Variants in CAPS2 observed in about 807,000 individuals in gnomAD.
CAPS2 encodes calcyphosine 2.
Under a neutral mutation model 86.5 loss-of-function variants are expected in CAPS2, and 98 were observed. The ratio of observed to expected loss-of-function variants is 1.13; its 90% confidence interval spans 0.96 to 1.34. The LOEUF (loss-of-function observed/expected upper bound fraction) is 1.34. Ranked by LOEUF, CAPS2 falls within the 40% of genes most tolerant of loss-of-function variation. The pLI, the probability that CAPS2 is intolerant of heterozygous loss-of-function variation, is 0.00. For missense variants in CAPS2, 729 were observed against 686.8 expected (o/e 1.06, Z -0.69); for synonymous variants, 210 against 225.1 (o/e 0.93, Z 0.60).
At chr12:75,282,175 T>C (rs2034072618) in intron 16 of CAPS2, 76 bp downstream of exon 16, 2 of 855,484 alleles carry the variant, frequency 2.3e-6, no homozygotes, top group South Asian at 1.4e-5. Flanking sequence ...AGTCTAAGGT[T>C]TAAATTAATA....
intron 1 of CAPS2, among the ~76,000 whole-genome samples, chr12:75,381,322 G>A (rs1224215856): frequency 2.6e-5 from 4 of 152,238 alleles, no homozygotes; most frequent in African/African-American, 9.6e-5. Flanking sequence ...ACCGTACTAA[G>A]TCCAATTAAA....
chr12:75,297,086 CTTCT>C lies in CAPS2; in HGVS notation c.1044+1597_1044+1600del, dbSNP rs146872393. Among the ~76,000 whole-genome samples, 1,354 of 150,708 alleles carry C rather than the reference CTTCT, an allele frequency of 9.0e-3. 17 individuals are homozygous for C. The highest frequency in any genetic ancestry group is 0.031 in the African/African-American group (1,261 of 40,972). ...TCTTTTTTTCTTTCTTTCTTCTTTC[CTTCT>C]TTCTTTCTTTCTTTCCTTTCTTTCT... On this transcript the variant is annotated intron_variant, in intron 11 of 16. Transcript: ENST00000393284.
chr12:75,363,338 TA>T, intron 1 of CAPS2: 1 of 397,328 alleles, frequency 2.5e-6, no homozygotes, highest in African/African-American at 2.1e-5. Flanking sequence ...TCATAAATTG[TA>T]ATACTTAAAC....
intron 13 of CAPS2, among the ~76,000 whole-genome samples, 184 bp from the exon 14 acceptor site, chr12:75,289,959 C>A (rs2035557658): frequency 6.6e-6 from 1 of 152,106 alleles, no homozygotes; most frequent in Non-Finnish European, 1.5e-5. Flanking sequence ...GAGGATTAAA[C>A]ATAAAATCAC....
chr12:75,312,024 A>G (rs1190479365), intron 7 of CAPS2, among the ~76,000 whole-genome samples: 4 of 152,196 alleles, frequency 2.6e-5, no homozygotes, highest in Non-Finnish European at 5.9e-5. Flanking sequence ...CCACACAACT[A>G]AACAGTTTTT....
rs55861692 is a variant in CAPS2, at chr12:75,277,326, T to A, written c.*1564A>T. The A allele has an allele frequency of 1.8e-3, 1,793 of 970,190 alleles. 33 individuals carry two copies. In the African/African-American group the frequency reaches 0.029, roughly 16 times the overall value. The allele number at this position is 970,190 out of a possible 1,614,324, so 60.1% of individuals were successfully genotyped here. ...TTAAGAACTAAATAAAAATTATCAA[T>A]GAAAAACACTATATGCATATTGAGC... On this transcript the variant is annotated 3_prime_UTR_variant, in exon 17 of 17. Transcript: ENST00000393284.
chr12:75,293,094 T>C (rs1455471593), intron 12 of CAPS2, among the ~76,000 whole-genome samples, 155 bp downstream of exon 12: 2 of 152,110 alleles, frequency 1.3e-5, no homozygotes, highest in Admixed American at 6.6e-5. Context: ...GAGTACAAGA[T>C]AGTACATAAA....
chr12:75,333,085 G>C (rs1300277497), upstream of CAPS2, among the ~76,000 whole-genome samples: 1 of 152,110 alleles, frequency 6.6e-6, no homozygotes, highest in Non-Finnish European at 1.5e-5. Context: ...AGTGTCTTTT[G>C]GGCCATACCT....
At chr12:75,296,297 C>CTT (rs956853752) in intron 11 of CAPS2, among the ~76,000 whole-genome samples, 2 of 144,626 alleles carry the variant, frequency 1.4e-5, no homozygotes, top group Non-Finnish European at 1.5e-5. Flanking sequence ...TGTGGGTACA[C>CTT]TTTTTTTTTT....
At chr12:75,321,362 T>C (rs535914645) in intron 5 of CAPS2, 38 bp downstream of exon 5, 2 of 1,340,362 alleles carry the variant, frequency 1.5e-6, no homozygotes, top group African/African-American at 1.5e-5. Context: ...CAGTTTTCTT[T>C]AAATGTCATT....
At chr12:75,366,853 G>C (rs2043999280) in intron 1 of CAPS2, 1 of 700,726 alleles carries the variant, frequency 1.4e-6, no homozygotes, top group Non-Finnish European at 2.6e-6. Context: ...TGCATTTCTT[G>C]AATGAGTCTT....
intron 12 of CAPS2, among the ~76,000 whole-genome samples, chr12:75,292,098 G>A (rs180734251): frequency 2.0e-5 from 3 of 152,076 alleles, no homozygotes; most frequent in Non-Finnish European, 2.9e-5. Context: ...ACAGAGTCTC[G>A]CTCTGTCACC....
At chr12:75,291,575 A>ATATATATATATAGCTTATTTTTAAAAG (rs1288416828) in intron 13 of CAPS2, among the ~76,000 whole-genome samples, 169 bp downstream of exon 13, 3 of 53,196 alleles carry the variant, frequency 5.6e-5, no homozygotes, top group African/African-American at 2.0e-4. Flanking sequence ...AAGTATATAT[A>ATATATATATATAGCTTATTTTTAAAAG]TATATATATA....
At chr12:75,362,746 AAC>A (rs1377228220) in intron 1 of CAPS2, among the ~76,000 whole-genome samples, 1 of 152,172 alleles carries the variant, frequency 6.6e-6, no homozygotes, top group Admixed American at 6.6e-5. Context: ...TAAAACATAA[AAC>A]ACATGTTTAT....
At chr12:75,360,306 C>A (rs1159632432) in intron 1 of CAPS2, 1 of 152,162 alleles carries the variant, frequency 6.6e-6, no homozygotes, top group African/African-American at 2.4e-5. Flanking sequence ...TAAATGATTT[C>A]AGCATTAACT....
At chr12:75,347,396 A>G (rs915189714) in intron 1 of CAPS2, among the ~76,000 whole-genome samples, 3 of 152,102 alleles carry the variant, frequency 2.0e-5, no homozygotes, top group African/African-American at 7.2e-5. Flanking sequence ...CTTTTGATTT[A>G]TAAGAATTAC....
chr12:75,304,990 T>C (rs1032937950), intron 7 of CAPS2, 114 bp from the exon 8 acceptor site: 1 of 671,706 alleles, frequency 1.5e-6, no homozygotes, highest in Admixed American at 3.4e-5. Flanking sequence ...TTTACAACAC[T>C]GTCAGAATAT....
chr12:75,330,361 C>T (rs2041197227), upstream of CAPS2, among the ~76,000 whole-genome samples: 1 of 152,214 alleles, frequency 6.6e-6, no homozygotes, highest in Non-Finnish European at 1.5e-5. Flanking sequence ...GGAGCCGGAG[C>T]GGACTCACTC....
chr12:75,341,439 CTTTT>C (rs1302519489), intron 1 of CAPS2, among the ~76,000 whole-genome samples: 1 of 151,428 alleles, frequency 6.6e-6, no homozygotes, highest in African/African-American at 2.4e-5. Flanking sequence ...ATATAACATT[CTTTT>C]TTTCTTTTTC....
Sources: gnomAD v4.1 joint callset for allele counts (sites outside exome capture counted in the v4.1 genomes callset) on GRCh38, gnomAD v4.1.1 for gene constraint, MANE v1.5 for transcripts, NCBI Gene and HGNC (gene_info 2026-07-23, HGNC 2026-07-21) for gene names.